SNCAIP: variants seen among roughly 807,000 people sequenced by gnomAD.
SNCAIP encodes the protein synuclein alpha interacting protein.
A neutral mutation model predicts 86.7 loss-of-function variants in SNCAIP; 43 were observed. The observed-to-expected ratio is 0.50, with a 90% CI of 0.39 to 0.64. SNCAIP has a LOEUF of 0.64. Among genes scored for constraint, SNCAIP ranks in the 30% least tolerant of loss-of-function variants. The pLI is 0.00. For missense variants in SNCAIP, 981 were observed against 1,103.1 expected (o/e 0.89, Z 1.57); for synonymous variants, 417 against 427.2 (o/e 0.98, Z 0.29).
intron 1 of SNCAIP, among the ~76,000 whole-genome samples, chr5:122,349,481 T>G (rs1390014180): frequency 6.6e-6 from 1 of 152,170 alleles, no homozygotes; most frequent in East Asian, 1.9e-4. Context: ...CCACACTGTT[T>G]TAATACATAG....
chr5:122,406,176 C>G (rs1313067706), intron 3 of SNCAIP, among the ~76,000 whole-genome samples: 1 of 152,148 alleles, frequency 6.6e-6, no homozygotes, highest in Non-Finnish European at 1.5e-5. Context: ...AAAGAAATCT[C>G]AACGTGATGA....
At chr5:122,376,933 A>G (rs2152805213) in intron 1 of SNCAIP, among the ~76,000 whole-genome samples, 2 of 152,208 alleles carry the variant, frequency 1.3e-5, no homozygotes, top group South Asian at 4.2e-4. Flanking sequence ...CTCCTTCACA[A>G]TGCAGGATTC....
intron 1 of SNCAIP, among the ~76,000 whole-genome samples, chr5:122,345,844 G>A (rs536440630): frequency 1.3e-5 from 2 of 151,800 alleles, no homozygotes; most frequent in Non-Finnish European, 2.9e-5. Context: ...TAAGAGATAG[G>A]GTCTCGCTTT....
intron 6 of SNCAIP, among the ~76,000 whole-genome samples, chr5:122,432,367 C>T (rs771876908): frequency 2.0e-5 from 3 of 151,920 alleles, no homozygotes; most frequent in Admixed American, 6.6e-5. Context: ...ATGTATGATA[C>T]AAAACTGGTC....
chr5:122,411,876 T>A (rs1774211651), intron 3 of SNCAIP, among the ~76,000 whole-genome samples: 1 of 152,168 alleles, frequency 6.6e-6, no homozygotes, highest in African/African-American at 2.4e-5. Flanking sequence ...CAGCCCATTG[T>A]TTTTAGTGAG....
intron 1 of SNCAIP, among the ~76,000 whole-genome samples, chr5:122,341,263 A>G (rs1757524179): frequency 1.3e-5 from 2 of 152,232 alleles, no homozygotes; most frequent in South Asian, 2.1e-4. Flanking sequence ...CCCTGGCTTC[A>G]GCAAAGATTT....
At chr5:122,447,183 G>C (rs1036717317) in intron 8 of SNCAIP, among the ~76,000 whole-genome samples, 1 of 152,208 alleles carries the variant, frequency 6.6e-6, no homozygotes, top group East Asian at 1.9e-4. Context: ...ACCATCAGAA[G>C]CTAGGAGAGA....
At chr5:122,366,750 G>A (rs989755796) in intron 1 of SNCAIP, among the ~76,000 whole-genome samples, 4 of 152,112 alleles carry the variant, frequency 2.6e-5, no homozygotes, top group Admixed American at 6.6e-5. Flanking sequence ...GAGAGGCTTC[G>A]TGTGACTTAA....
chr5:122,375,374 T>C (rs1394090569), intron 1 of SNCAIP, among the ~76,000 whole-genome samples: 1 of 152,122 alleles, frequency 6.6e-6, no homozygotes, highest in Non-Finnish European at 1.5e-5. Context: ...GGGTTAGCTC[T>C]TTGGACTGCT....
At chr5:122,422,841 CT>C (rs1323740227) in intron 3 of SNCAIP, 26 bp from the exon 4 acceptor site, 6 of 1,596,274 alleles carry the variant, frequency 3.8e-6, no homozygotes, top group Non-Finnish European at 5.2e-6. Flanking sequence ...AGATTAATAG[CT>C]TTCTATTTTA....
rs11297385 is a variant in SNCAIP at position 122,326,606 on chromosome 5, C to CTTTTTT, written c.-47+14350_-47+14355dup. Among the ~76,000 whole-genome samples the CTTTTTT allele has an allele frequency of 8.8e-4, 37 of 42,130 alleles. 3 individuals are homozygous for CTTTTTT. Among genetic ancestry groups the CTTTTTT allele is most frequent in the African/African-American group, 1.8e-3 (14 of 7,708 alleles). The allele number at this position is 42,130 out of a possible 152,430, so 27.6% of individuals were successfully genotyped here. ...AGAAAGGGAACTTCAGAAATGTCTC[C>CTTTTTT]TTTTTTTTTTTTTTTTTTTTTTTTT... On this transcript the variant is annotated intron_variant, in intron 1 of 10. Transcript: ENST00000261368.
At chr5:122,381,888 G>A (rs1193059750) in intron 1 of SNCAIP, among the ~76,000 whole-genome samples, 1 of 152,144 alleles carries the variant, frequency 6.6e-6, no homozygotes, top group African/African-American at 2.4e-5. Context: ...CTTCTGGCTT[G>A]TAGGGTTTCT....
chr5:122,329,485 G>C (rs1754829262), intron 1 of SNCAIP, among the ~76,000 whole-genome samples: 1 of 152,080 alleles, frequency 6.6e-6, no homozygotes, highest in Admixed American at 6.6e-5. Context: ...CCCATTTCCA[G>C]TAGGGTAGGG....
intron 2 of SNCAIP, among the ~76,000 whole-genome samples, chr5:122,391,929 G>A (rs1211337362): frequency 5.9e-5 from 9 of 152,164 alleles, no homozygotes; most frequent in Admixed American, 5.2e-4. Context: ...CAGCAAAACT[G>A]GCTAACTCTC....
chr5:122,393,696 T>C (rs769874891), intron 2 of SNCAIP, among the ~76,000 whole-genome samples: 9 of 152,162 alleles, frequency 5.9e-5, no homozygotes, highest in Non-Finnish European at 1.2e-4. Flanking sequence ...ACAACAAGAA[T>C]TGTCTAGCCC....
intron 6 of SNCAIP, chr5:122,437,352 TA>T (rs1442017301): frequency 2.0e-5 from 3 of 152,198 alleles, no homozygotes; most frequent in African/African-American, 7.2e-5. Context: ...AAGCAGATAT[TA>T]AATATGCTTT....
chr5:122,393,715 A>C (rs373450457), intron 2 of SNCAIP, among the ~76,000 whole-genome samples: 1 of 152,242 alleles, frequency 6.6e-6, no homozygotes, highest in African/African-American at 2.4e-5. Flanking sequence ...CCAAAATGTC[A>C]GTAGTACTGA....
intron 1 of SNCAIP, among the ~76,000 whole-genome samples, chr5:122,361,610 C>G (rs1352690656): frequency 6.6e-6 from 1 of 152,084 alleles, no homozygotes; most frequent in African/African-American, 2.4e-5. Flanking sequence ...TTTTACATCC[C>G]TATGTAACCT....
intron 10 of SNCAIP, among the ~76,000 whole-genome samples, chr5:122,453,714 C>A (rs540056805): frequency 6.6e-6 from 1 of 151,970 alleles, no homozygotes; most frequent in South Asian, 2.1e-4. Context: ...AATTGGTTTA[C>A]TTCAGAAGAG....
Sources: gnomAD v4.1 joint callset for allele counts (sites outside exome capture counted in the v4.1 genomes callset) on GRCh38, gnomAD v4.1.1 for gene constraint, MANE v1.5 for transcripts, NCBI Gene and HGNC (gene_info 2026-07-23, HGNC 2026-07-21) for gene names.